Variants in RABGAP1L observed in about 807,000 individuals in gnomAD.
RABGAP1L encodes the protein RAB GTPase activating protein 1 like.
RABGAP1L carries 63 observed loss-of-function variants against 137.7 expected under a neutral mutation model. The observed-to-expected ratio is 0.46, with a 90% confidence interval of 0.37 to 0.56. The LOEUF (loss-of-function observed/expected upper bound fraction) is 0.56, where lower values mean the gene tolerates loss of function less well. RABGAP1L is among the 20% of genes least tolerant of loss of function. The pLI, the probability that RABGAP1L is intolerant of heterozygous loss-of-function variation, is 0.00. For synonymous variants in RABGAP1L, 431 were observed against 433.7 expected, an observed-to-expected ratio of 0.99 and a Z score of 0.08; for missense variants, 1,095 against 1,244.0, an observed-to-expected ratio of 0.88 and a Z score of 1.80.
intron 13 of RABGAP1L, among the ~76,000 whole-genome samples, chr1:174,469,322 G>A (rs1162966210): frequency 6.6e-6 from 1 of 152,064 alleles, no homozygotes; most frequent in Non-Finnish European, 1.5e-5. Context: ...CTGATAACAA[G>A]GCCACTACTT....
chr1:174,458,569 A>G (rs1656304026), intron 13 of RABGAP1L, among the ~76,000 whole-genome samples: 1 of 152,082 alleles, frequency 6.6e-6, no homozygotes, highest in South Asian at 2.1e-4. Context: ...TCAGCTATAT[A>G]CCTGTCTGTA....
intron 13 of RABGAP1L, among the ~76,000 whole-genome samples, chr1:174,446,635 C>G (rs963219185): frequency 8.5e-5 from 13 of 152,160 alleles, no homozygotes; most frequent in Admixed American, 7.2e-4. Flanking sequence ...CATCTTGATA[C>G]TTTAGAGGTA....
chr1:174,495,712 C>T (rs1281487013), intron 13 of RABGAP1L, among the ~76,000 whole-genome samples: 1 of 152,146 alleles, frequency 6.6e-6, no homozygotes, highest in African/African-American at 2.4e-5. Context: ...TAAACTACCT[C>T]ATTCTTTTTA....
chr1:174,808,756 C>T (rs548178713), intron 18 of RABGAP1L, among the ~76,000 whole-genome samples: 2 of 151,634 alleles, frequency 1.3e-5, no homozygotes, highest in South Asian at 2.1e-4. Context: ...TGGATTCAAG[C>T]GATTCTCCTG....
At chr1:174,907,128 G>A (rs746150067) in intron 19 of RABGAP1L, among the ~76,000 whole-genome samples, 14 of 151,900 alleles carry the variant, frequency 9.2e-5, no homozygotes, top group Non-Finnish European at 1.5e-4. Flanking sequence ...TTAAGTATAC[G>A]GATAAACCCA....
chr1:174,902,251 A>G (rs527433421), intron 19 of RABGAP1L, among the ~76,000 whole-genome samples: 1 of 152,206 alleles, frequency 6.6e-6, no homozygotes, highest in African/African-American at 2.4e-5. Context: ...CCTTGTTTGG[A>G]CCACCTATAT....
chr1:174,937,178 C>T (rs747056600), intron 19 of RABGAP1L, among the ~76,000 whole-genome samples: 9 of 151,838 alleles, frequency 5.9e-5, no homozygotes, highest in African/African-American at 1.9e-4. Flanking sequence ...AGGGTTTCAC[C>T]GTGTTGGCCA....
At chr1:174,637,524 T>C in intron 14 of RABGAP1L, 36 bp downstream of exon 14, 1 of 1,430,618 alleles carries the variant, frequency 7.0e-7, no homozygotes, top group Non-Finnish European at 9.8e-7. Context: ...TAAATTATTT[T>C]ACAGAGCTAT....
intron 12 of RABGAP1L, among the ~76,000 whole-genome samples, chr1:174,372,406 C>T (rs554659851): frequency 7.9e-5 from 12 of 152,070 alleles, no homozygotes; most frequent in African/African-American, 1.7e-4. Context: ...GTGCTTTTTT[C>T]GGCGGGGGGA....
chr1:174,828,192 T>C (rs1453284848), intron 19 of RABGAP1L, among the ~76,000 whole-genome samples: 1 of 148,060 alleles, frequency 6.8e-6, no homozygotes, highest in Admixed American at 6.8e-5. Context: ...CCATCAGAAT[T>C]TGCAGTTTCA....
At position 174,159,537 on chromosome 1, in the gene RABGAP1L, T is replaced by G. The variant is rs1447502214; in HGVS notation, c.-154T>G. 1 of 151,892 alleles carries G rather than the reference T, an allele frequency of 6.6e-6. No individual in the cohort carries two copies. Among genetic ancestry groups the G allele is most frequent in the Non-Finnish European group, 1.5e-5 (1 of 67,998 alleles). 9.4% of individuals were successfully genotyped at this position (151,892 alleles called of 1,614,324 possible). A position where few individuals can be genotyped will look rare whatever the true frequency, so the allele number is the denominator to read the frequency against. On this transcript the variant is annotated 5_prime_UTR_variant, in exon 1 of 26. Transcript: ENST00000681986. ...CCCCTCTCAGTTCCCTCCGCCCTCC[T>G]CGGGCTCCAGCGGTGGCGGAGCGAA...
intron 1 of RABGAP1L, among the ~76,000 whole-genome samples, chr1:174,198,361 T>A (rs1048452562): frequency 6.6e-6 from 1 of 152,224 alleles, no homozygotes; most frequent in African/African-American, 2.4e-5. Flanking sequence ...TTTGGAGTTA[T>A]TTACTGTACT....
chr1:174,304,292 T>C (rs918121359), intron 10 of RABGAP1L, among the ~76,000 whole-genome samples: 15 of 152,164 alleles, frequency 9.9e-5, no homozygotes, highest in Middle Eastern at 6.8e-3. Flanking sequence ...TTGTGATGTA[T>C]TTTGTATGTG....
intron 1 of RABGAP1L, among the ~76,000 whole-genome samples, chr1:174,217,081 G>T (rs1446387986): frequency 6.6e-6 from 1 of 152,102 alleles, no homozygotes; most frequent in African/African-American, 2.4e-5. Flanking sequence ...TCTTATTTTG[G>T]AAGTGGGTCT....
chr1:174,273,175 T>C (rs1558089115), intron 8 of RABGAP1L, among the ~76,000 whole-genome samples: 1 of 152,072 alleles, frequency 6.6e-6, no homozygotes, highest in Non-Finnish European at 1.5e-5. Flanking sequence ...ATAAGCACTA[T>C]ATGCTTTCTT....
chr1:174,271,878 CT>C (rs949457813), intron 7 of RABGAP1L, among the ~76,000 whole-genome samples: 61 of 147,550 alleles, frequency 4.1e-4, no homozygotes, highest in African/African-American at 1.0e-3. Context: ...GTTTGCATAA[CT>C]TTTTTTTTTT....
intron 13 of RABGAP1L, among the ~76,000 whole-genome samples, chr1:174,444,844 T>C (rs560080621): frequency 5.3e-5 from 8 of 152,194 alleles, no homozygotes; most frequent in African/African-American, 1.9e-4. Context: ...TTAGTCTAGC[T>C]AAGGGTTTGT....
intron 13 of RABGAP1L, among the ~76,000 whole-genome samples, chr1:174,526,807 T>C (rs1486705320): frequency 1.3e-5 from 2 of 152,162 alleles, no homozygotes; most frequent in Non-Finnish European, 1.5e-5. Context: ...TATTGCTTTT[T>C]TAGTATCTAT....
At chr1:174,821,760 A>G (rs1691048691) in intron 19 of RABGAP1L, among the ~76,000 whole-genome samples, 1 of 152,234 alleles carries the variant, frequency 6.6e-6, no homozygotes, top group South Asian at 2.1e-4. Context: ...GAGGTCCTAC[A>G]GAAGTTTTTG....
Sources: allele counts gnomAD v4.1 joint callset (sites outside exome capture counted in the v4.1 genomes callset), GRCh38; gene constraint gnomAD v4.1.1; transcripts MANE v1.5; gene names NCBI Gene and HGNC (gene_info 2026-07-23, HGNC 2026-07-21).